Variants in SLC19A2 observed in about 807,000 individuals in gnomAD.
SLC19A2 encodes the protein solute carrier family 19 member 2.
SLC19A2 carries 27 observed loss-of-function variants against 44.7 expected under a neutral mutation model. That is an observed-to-expected ratio of 0.60 (90% CI 0.45 to 0.83). The LOEUF (loss-of-function observed/expected upper bound fraction) is 0.83. Among genes scored for constraint, SLC19A2 ranks in the 40% least tolerant of loss-of-function variants. The probability of loss-of-function intolerance (pLI) is 0.00; values close to 1 mark genes in which losing one functional copy is unlikely to be tolerated. For missense variants in SLC19A2, 566 were observed against 613.7 expected, an observed-to-expected ratio of 0.92 and a Z score of 0.82; for synonymous variants, 239 against 243.6, an observed-to-expected ratio of 0.98 and a Z score of 0.18.
chr1:169,476,410 C>T (rs961477405), intron 2 of SLC19A2, among the ~76,000 whole-genome samples: 2 of 152,176 alleles, frequency 1.3e-5, no homozygotes, highest in African/African-American at 2.4e-5. Flanking sequence ...AAATTAACTT[C>T]TTACCCTTAA....
intron 2 of SLC19A2, among the ~76,000 whole-genome samples, chr1:169,473,108 T>C (rs1270425873): frequency 2.0e-5 from 3 of 152,242 alleles, no homozygotes; most frequent in Non-Finnish European, 4.4e-5. Context: ...TCAGATTTCA[T>C]TTGAACATAA....
At chr1:169,477,846 C>T in intron 1 of SLC19A2, 89 bp from the exon 2 acceptor site, 1 of 1,271,142 alleles carries the variant, frequency 7.9e-7, no homozygotes, top group South Asian at 1.4e-5. Context: ...AAAAAACAAC[C>T]TACAAATACC....
At position 169,465,995 on chromosome 1, in the gene SLC19A2, A is replaced by T. The variant is rs1264403025; in HGVS notation, c.1366-18T>A. On this transcript the variant is annotated intron_variant, in intron 5 of 5. Transcript: ENST00000236137. ...ATCAAAAACTAGAAGGGGGAAAAGC[A>T]GTTTATTGAATTATCAATGACAAGA... 1 of 1,613,766 alleles carries T rather than the reference A, an allele frequency of 6.2e-7. No individual in the cohort carries two copies. The highest frequency in any genetic ancestry group is 8.5e-7 in the Non-Finnish European group (1 of 1,179,744).
Position 169,473,582 on chromosome 1 carries a change from C to G in SLC19A2, c.808-3396G>C, listed in dbSNP as rs1384460719. Among the ~76,000 whole-genome samples, 3 of 152,042 alleles carry G rather than the reference C, an allele frequency of 2.0e-5. No individual in the cohort carries two copies. The South Asian group carries it at 6.2e-4, about 32-fold the overall frequency. ...GTTTTAAAGTGCCACTTCCTATGTGCCTTTGCGCAAGTCAGTTAACTAAAT... is the reference window on the plus strand; with the variant it reads ...GTTTTAAAGTGCCACTTCCTATGTGGCTTTGCGCAAGTCAGTTAACTAAAT... On this transcript the variant is annotated intron_variant, in intron 2 of 5. Transcript: ENST00000236137.
intron 2 of SLC19A2, among the ~76,000 whole-genome samples, chr1:169,471,485 ACACACACACACACACACACACAC>A (rs1173343406): frequency 7.9e-6 from 1 of 125,914 alleles, no homozygotes; most frequent in Non-Finnish European, 1.6e-5. Flanking sequence ...ACACACACAC[ACACACACACACACACACACACAC>A]AATTTAATTA....
intron 1 of SLC19A2, among the ~76,000 whole-genome samples, chr1:169,484,061 C>T (rs1168535005): frequency 6.6e-6 from 1 of 152,152 alleles, no homozygotes; most frequent in African/African-American, 2.4e-5. Context: ...ATCCACAAGA[C>T]TGAGAAACGG....
Position 169,465,972 on chromosome 1 carries a change from C to A in SLC19A2, c.1371G>T (p.Leu457Phe), listed in dbSNP as rs1557887605. 2.5e-6 allele frequency: 4 copies of A among 1,613,926 alleles called. No homozygotes were observed. Among genetic ancestry groups the A allele is most frequent in the Non-Finnish European group, 3.4e-6 (4 of 1,179,888 alleles). The change falls in exon 6 of 6, where the codon TTG becomes TTT. Residue 457 changes from leucine to phenylalanine, a missense_variant. By Grantham distance (22) the Leu-to-Phe change is conservative (BLOSUM62 0). Coordinates refer to ENST00000236137, the MANE Select transcript of SLC19A2 (RefSeq NM_006996.3). ...GLGLEITTQF[L>F]IYASYFALIA... ...TGAGTGCAAAATAACTGGCATAGATCAAAAACTAGAAGGGGGAAAAGCAGT... is the reference window on the plus strand; with the variant it reads ...TGAGTGCAAAATAACTGGCATAGATAAAAAACTAGAAGGGGGAAAAGCAGT...
Position 169,477,644 on chromosome 1 carries a change from G to A in SLC19A2, c.318C>T (p.Leu106=). ...RYKPVVLLQG[L]SLIVTWFMLL... ...GCATAAACCATGTAACAATAAGGCT[G>A]AGCCCCTGCAGTAGAACAACAGGTT... The change falls in exon 2 of 6, where the codon CTC becomes CTT. Residue 106 remains leucine, a synonymous_variant. Coordinates refer to ENST00000236137, the MANE Select transcript of SLC19A2 (RefSeq NM_006996.3). 2 of 1,614,064 alleles carry A rather than the reference G, an allele frequency of 1.2e-6. No individual in the cohort carries two copies. The highest frequency in any genetic ancestry group is 2.2e-5 in the South Asian group (2 of 91,084).
Position 169,468,624 on chromosome 1 carries a change from CTATGAG to C in SLC19A2, c.1223+14_1223+19del. On this transcript the variant is annotated intron_variant, in intron 4 of 5. Transcript: ENST00000236137. ...CCTGTTACAATTTTTCCTAAGGCTT[CTATGAG>C]CCAAAATACATACGTTGCTATCGTG... 2 of 1,608,920 alleles carry C rather than the reference CTATGAG, an allele frequency of 1.2e-6. No individual in the cohort carries two copies. Among genetic ancestry groups the C allele is most frequent in the African/African-American group, 2.7e-5 (2 of 74,920 alleles).
intron 2 of SLC19A2, among the ~76,000 whole-genome samples, chr1:169,471,074 A>AC (rs397981894): frequency 2.0e-5 from 3 of 148,446 alleles, no homozygotes; most frequent in African/African-American, 7.3e-5. Context: ...AAAAAAAAAA[A>AC]CCCACAGAAA....
chr1:169,470,284 T>C, intron 2 of SLC19A2, 98 bp from the exon 3 acceptor site: 1 of 955,814 alleles, frequency 1.0e-6, no homozygotes, highest in Non-Finnish European at 1.7e-6. Context: ...ACTTTTTTCC[T>C]TGTGAAAACT....
intron 2 of SLC19A2, among the ~76,000 whole-genome samples, chr1:169,470,517 A>G (rs1192129163): frequency 6.6e-6 from 1 of 152,162 alleles, no homozygotes. Flanking sequence ...CTGGCAAACA[A>G]CATAACAAGA....
chr1:169,467,984 G>A, intron 5 of SLC19A2, 127 bp downstream of exon 5: 1 of 901,134 alleles, frequency 1.1e-6, no homozygotes, highest in South Asian at 1.4e-5. Context: ...AATGAAGGAA[G>A]GAGGGTATGC....
intron 5 of SLC19A2, among the ~76,000 whole-genome samples, chr1:169,466,648 A>G (rs2101771974): frequency 6.6e-6 from 1 of 152,044 alleles, no homozygotes; most frequent in African/African-American, 2.4e-5. Context: ...AGCCCTGCAT[A>G]CATTAGGTAT....
chr1:169,485,667 T>A lies in SLC19A2; in HGVS notation c.100A>T (p.Thr34Ser). Residue 34 changes from threonine to serine, a missense_variant, in exon 1 of 6, where the codon ACC becomes TCC. Thr to Ser is a moderately conservative substitution (Grantham distance 58). Coordinates refer to ENST00000236137, the MANE Select transcript of SLC19A2 (RefSeq NM_006996.3). ...AAGCCGTAGGCGCAGAGCAGCGCGG[T>A]CGGCAAGAACCAGCATTCGCGACGG... ...RVRRECWFLPTALLCAYGFFA... is the reference protein window; with the variant it reads ...RVRRECWFLPSALLCAYGFFA... The A allele has an allele frequency of 6.4e-7, 1 of 1,552,308 alleles. No homozygotes were observed. Among genetic ancestry groups the A allele is most frequent in the Non-Finnish European group, 8.7e-7 (1 of 1,148,246 alleles).
At chr1:169,485,950 C>A (rs1407412014), upstream of SLC19A2, 1 of 699,450 alleles carries the variant, frequency 1.4e-6, no homozygotes, top group South Asian at 1.9e-5. Flanking sequence ...CCTCTAGGGT[C>A]GCTGCCTGAT....
chr1:169,465,109 G>T lies in SLC19A2; in HGVS notation c.*740C>A, dbSNP rs1657958514. ...TTTCTTAAGTCTCTTCATTTAGCAG[G>T]CTTCAAAACTTGCCTTATTTTCTAA... On this transcript the variant is annotated 3_prime_UTR_variant, in exon 6 of 6. Transcript: ENST00000236137. The T allele has an allele frequency of 6.6e-6, 1 of 152,102 alleles. No homozygotes were observed. The highest frequency in any genetic ancestry group is 2.1e-4 in the South Asian group (1 of 4,830). The allele number at this position is 152,102 out of a possible 1,614,324, so 9.4% of individuals were successfully genotyped here. A position where few individuals can be genotyped will look rare whatever the true frequency, so the allele number is the denominator to read the frequency against.
At position 169,485,678 on chromosome 1, in the gene SLC19A2, C is replaced by T. The variant is rs1430840234; in HGVS notation, c.89G>A (p.Trp30Ter). ...GCAGAGCAGCGCGGTCGGCAAGAAC[C>T]AGCATTCGCGACGGACCCGAGCGGT... ...LRTARVRREC[W>*]FLPTALLCAY... is the part of the protein sequence containing the mutation. Residue 30 changes from tryptophan to a stop codon, truncating the protein, a stop_gained, in exon 1 of 6, where the codon TGG (tryptophan) becomes TAG (stop). Transcript: ENST00000236137. LOFTEE classifies it high-confidence loss of function. 1.3e-6 allele frequency: 2 copies of T among 1,550,478 alleles called. No homozygotes were observed. Among genetic ancestry groups the T allele is most frequent in the Non-Finnish European group, 1.7e-6 (2 of 1,147,318 alleles).
At chr1:169,484,609 TG>T (rs1204004653) in intron 1 of SLC19A2, among the ~76,000 whole-genome samples, 1 of 152,232 alleles carries the variant, frequency 6.6e-6, no homozygotes, top group Non-Finnish European at 1.5e-5. Flanking sequence ...GGAAGTACTT[TG>T]GGTTTAATTT....
Sources: gnomAD v4.1 joint callset for allele counts (sites outside exome capture counted in the v4.1 genomes callset) on GRCh38, gnomAD v4.1.1 for gene constraint, MANE v1.5 for transcripts, NCBI Gene and HGNC (gene_info 2026-07-23, HGNC 2026-07-21) for gene names.